Variants in PCDH15 observed in about 807,000 individuals in gnomAD.
PCDH15 encodes the protein protocadherin related 15.
A neutral mutation model predicts 178.5 loss-of-function variants in PCDH15; 129 were observed. The observed-to-expected ratio is 0.72, with a 90% CI of 0.63 to 0.84. PCDH15 has a LOEUF of 0.84. Among genes scored for constraint, PCDH15 ranks in the 40% least tolerant of loss-of-function variants. PCDH15 has a pLI of 0.00. For missense variants in PCDH15, 2,230 were observed against 2,099.9 expected, an observed-to-expected ratio of 1.06 and a Z score of -1.21; for synonymous variants, 800 against 732.0, an observed-to-expected ratio of 1.09 and a Z score of -1.50.
At chr10:54,680,372 G>T (rs772617402) in intron 1 of PCDH15, among the ~76,000 whole-genome samples, 8 of 152,050 alleles carry the variant, frequency 5.3e-5, no homozygotes, top group Admixed American at 1.3e-4. Flanking sequence ...CTAATATTAG[G>T]TATTAAAATA....
At chr10:54,195,166 G>C (rs1045947489) in intron 11 of PCDH15, among the ~76,000 whole-genome samples, 30 of 152,138 alleles carry the variant, frequency 2.0e-4, no homozygotes, top group African/African-American at 7.2e-4. Flanking sequence ...GATAGTGTGA[G>C]TACAAGAAAA....
At chr10:54,891,910 CATGT>C (rs1056257286) in intron 3 of PCDH15, among the ~76,000 whole-genome samples, 1 of 152,040 alleles carries the variant, frequency 6.6e-6, no homozygotes, top group African/African-American at 2.4e-5. Flanking sequence ...GGTCACAAAT[CATGT>C]AGAGACTCTG....
chr10:54,427,208 T>C (rs1956369391), intron 3 of PCDH15, among the ~76,000 whole-genome samples: 1 of 151,424 alleles, frequency 6.6e-6, no homozygotes, highest in South Asian at 2.1e-4. Context: ...TAAGCTATCT[T>C]ATTTATCTTA....
chr10:53,888,289 T>TATATATATATATATATAC (rs756987649), intron 26 of PCDH15, among the ~76,000 whole-genome samples: 13 of 54,612 alleles, frequency 2.4e-4, no homozygotes, highest in Admixed American at 7.8e-4. Flanking sequence ...ACACTATATA[T>TATATATATATATATATAC]ACATATATAT....
intron 3 of PCDH15, among the ~76,000 whole-genome samples, chr10:54,517,302 T>C (rs2082332652): frequency 6.6e-6 from 1 of 152,178 alleles, no homozygotes; most frequent in Admixed American, 6.5e-5. Flanking sequence ...CAGTGTGCTA[T>C]ATTCAGGAAA....
At chr10:54,764,862 C>T (rs117146157) in intron 1 of PCDH15, among the ~76,000 whole-genome samples, 7,658 of 151,930 alleles carry the variant, frequency 0.05, 242 homozygotes, top group Middle Eastern at 0.092. Context: ...CTCAAAGAGC[C>T]TGGTAAGAGG....
At chr10:55,184,156 C>T (rs1347270713) in intron 1 of PCDH15, among the ~76,000 whole-genome samples, 1 of 151,932 alleles carries the variant, frequency 6.6e-6, no homozygotes, top group Admixed American at 6.6e-5. Context: ...GGCCCTCCAG[C>T]TAGATGTGGT....
intron 2 of PCDH15, among the ~76,000 whole-genome samples, chr10:55,364,672 T>C (rs1403058128): frequency 1.3e-5 from 2 of 152,110 alleles, no homozygotes; most frequent in African/African-American, 2.4e-5. Context: ...TTCCATAATA[T>C]TTATCCTTCT....
At chr10:54,399,393 A>G (rs1265087238) in intron 3 of PCDH15, among the ~76,000 whole-genome samples, 2 of 152,226 alleles carry the variant, frequency 1.3e-5, no homozygotes, top group East Asian at 3.9e-4. Flanking sequence ...ATTGCAAGTT[A>G]TCAACAAAGA....
At chr10:54,451,132 C>A (rs2076453857) in intron 3 of PCDH15, among the ~76,000 whole-genome samples, 2 of 151,792 alleles carry the variant, frequency 1.3e-5, no homozygotes, top group African/African-American at 4.8e-5. Flanking sequence ...GCCAAGATTG[C>A]ACTGACTGTT....
intron 2 of PCDH15, among the ~76,000 whole-genome samples, chr10:55,458,286 T>C (rs925326330): frequency 6.6e-6 from 1 of 152,160 alleles, no homozygotes; most frequent in African/African-American, 2.4e-5. Context: ...AATAAAGCCA[T>C]AGAGGGTCTT....
intron 2 of PCDH15, among the ~76,000 whole-genome samples, chr10:55,341,382 G>A (rs1318952715): frequency 1.3e-5 from 2 of 151,932 alleles, no homozygotes; most frequent in African/African-American, 4.8e-5. Flanking sequence ...AAATTGGAAT[G>A]TTATAAAATG....
intron 2 of PCDH15, among the ~76,000 whole-genome samples, chr10:55,464,633 T>C (rs1839789095): frequency 2.2e-5 from 1 of 44,606 alleles, no homozygotes; most frequent in Non-Finnish European, 3.2e-5. Flanking sequence ...TAAATATATA[T>C]ATATATATAT....
At chr10:54,002,995 T>G (rs1355462027) in intron 20 of PCDH15, among the ~76,000 whole-genome samples, 1 of 152,204 alleles carries the variant, frequency 6.6e-6, no homozygotes, top group Non-Finnish European at 1.5e-5. Flanking sequence ...GGACTCTTTT[T>G]GAGTTGTAAC....
intron 2 of PCDH15, among the ~76,000 whole-genome samples, chr10:55,093,585 T>C (rs1842370869): frequency 6.6e-6 from 1 of 152,152 alleles, no homozygotes; most frequent in Non-Finnish European, 1.5e-5. Context: ...TTGCTAGGTT[T>C]TCTTCTAGTG....
At chr10:54,808,130 C>T (rs1252831767) in intron 3 of PCDH15, among the ~76,000 whole-genome samples, 3 of 151,844 alleles carry the variant, frequency 2.0e-5, no homozygotes, top group Non-Finnish European at 2.9e-5. Context: ...CTGCTGTAAC[C>T]GAGACTGATA....
intron 5 of PCDH15, among the ~76,000 whole-genome samples, chr10:54,358,581 A>C (rs1398551225): frequency 6.6e-6 from 1 of 151,500 alleles, no homozygotes; most frequent in East Asian, 1.9e-4. Flanking sequence ...AACTAGTTCA[A>C]CCATTGTGGA....
intron 2 of PCDH15, among the ~76,000 whole-genome samples, chr10:54,602,631 A>T (rs1471474304): frequency 6.6e-6 from 1 of 151,972 alleles, no homozygotes; most frequent in African/African-American, 2.4e-5. Flanking sequence ...GTGATGAGGT[A>T]GGTTTTCTCT....
chr10:54,226,581 G>T (rs2053473077), intron 9 of PCDH15, among the ~76,000 whole-genome samples: 1 of 152,100 alleles, frequency 6.6e-6, no homozygotes, highest in Admixed American at 6.5e-5. Flanking sequence ...TTCTGCACTT[G>T]ACCTCTCCCA....
Sources: gnomAD v4.1 joint callset for allele counts (sites outside exome capture counted in the v4.1 genomes callset) on GRCh38, gnomAD v4.1.1 for gene constraint, MANE v1.5 for transcripts, NCBI Gene and HGNC (gene_info 2026-07-23, HGNC 2026-07-21) for gene names.